Variants in TP63 observed in about 807,000 individuals in gnomAD.
TP63 encodes the protein tumor protein 63.
Under a neutral mutation model 82.8 loss-of-function variants are expected in TP63, and 17 were observed. That is an observed-to-expected ratio of 0.21 (90% CI 0.14 to 0.31). The LOEUF is 0.31. Ranked by LOEUF, TP63 falls within the 10% of genes least tolerant of loss-of-function variation. The pLI, the probability that TP63 is intolerant of heterozygous loss-of-function variation, is 1.00. For synonymous variants in TP63, 330 were observed against 321.7 expected, an observed-to-expected ratio of 1.03 and a Z score of -0.28; for missense variants, 648 against 895.3, an observed-to-expected ratio of 0.72 and a Z score of 3.52.
chr3:189,769,652 G>A (rs1471428617), intron 3 of TP63, among the ~76,000 whole-genome samples: 1 of 152,090 alleles, frequency 6.6e-6, no homozygotes, highest in Non-Finnish European at 1.5e-5. Flanking sequence ...ATACCATATA[G>A]GATGTATCAA....
chr3:189,739,344 G>A (rs1720815944), intron 3 of TP63, among the ~76,000 whole-genome samples: 1 of 152,112 alleles, frequency 6.6e-6, no homozygotes, highest in Non-Finnish European at 1.5e-5. Flanking sequence ...TCGAACTCTT[G>A]CCTTCCTGTG....
intron 4 of TP63, among the ~76,000 whole-genome samples, chr3:189,840,492 C>CAGAG (rs57868359): frequency 6.7e-6 from 1 of 148,520 alleles, no homozygotes; most frequent in African/African-American, 2.5e-5. Flanking sequence ...ATGAGAGAGA[C>CAGAG]AGAGAGAGAG....
In TP63 at chr3:189,800,490, GAAAAAA is replaced by G. The variant is rs1300826682; in HGVS notation, c.325-7778_325-7773del. Among the ~76,000 whole-genome samples, 5 of 135,064 alleles carry G rather than the reference GAAAAAA, an allele frequency of 3.7e-5. No individual in the cohort carries two copies. In the South Asian group the frequency reaches 9.8e-4, roughly 27 times the overall value. The allele number at this position is 135,064 out of a possible 152,430, so 88.6% of individuals were successfully genotyped here. ...CTTTAATGAGTAAAAAAAAAAAAAA[GAAAAAA>G]AAAGCAAATAAAAGAGGTGCGCTTT... On this transcript the variant is annotated intron_variant, in intron 3 of 13. Transcript: ENST00000264731.
rs552935126 is a variant in TP63 at position 189,713,138 on chromosome 3, A to G, written c.63-24602A>G. 7.2e-5 allele frequency among the ~76,000 whole-genome samples: 11 copies of G among 152,304 alleles called. No individual in the cohort carries two copies. In the South Asian group the frequency reaches 2.3e-3, roughly 32 times the overall value. ...TAGATTGAGATGCAAAAACCTCAAA[A>G]TAGGCTTTATGGCCACTTCATCTCC... On this transcript the variant is annotated intron_variant, in intron 1 of 13. Coordinates refer to ENST00000264731, the MANE Select transcript of TP63 (RefSeq NM_003722.5).
In TP63 at chr3:189,808,544, G is replaced by A. The variant is rs1476888127; in HGVS notation, c.579+18G>A. 2 of 1,612,218 alleles carry A rather than the reference G, an allele frequency of 1.2e-6. No individual in the cohort carries two copies. The highest frequency in any genetic ancestry group is 1.3e-5 in the African/African-American group (1 of 74,938). Reference sequence around the variant, plus strand: ...CCTGGACGGTAAGAGCAGCGGGCACGCACATACCTGACCCCCCAAGTCCAA... The same window carrying A: ...CCTGGACGGTAAGAGCAGCGGGCACACACATACCTGACCCCCCAAGTCCAA... On this transcript the variant is annotated intron_variant, in intron 4 of 13. Coordinates refer to ENST00000264731, the MANE Select transcript of TP63 (RefSeq NM_003722.5).
chr3:189,817,012 A>G (rs1193104908), intron 4 of TP63, among the ~76,000 whole-genome samples: 1 of 151,878 alleles, frequency 6.6e-6, no homozygotes, highest in African/African-American at 2.4e-5. Context: ...GGGGGAAAAA[A>G]AAAACCCTAC....
At chr3:189,876,586 A>G (rs757256951) in intron 10 of TP63, among the ~76,000 whole-genome samples, 8 of 152,168 alleles carry the variant, frequency 5.3e-5, no homozygotes, top group Non-Finnish European at 1.0e-4. Flanking sequence ...CAGCTGTGAT[A>G]ACTTGTGCAT....
intron 1 of TP63, among the ~76,000 whole-genome samples, chr3:189,673,667 T>C (rs1188133782): frequency 1.3e-5 from 2 of 152,104 alleles, no homozygotes; most frequent in Admixed American, 6.6e-5. Context: ...TACTGAAACA[T>C]TGATGAGATA....
chr3:189,737,666 G>A, intron 1 of TP63, 74 bp from the exon 2 acceptor site: 3 of 1,522,212 alleles, frequency 2.0e-6, no homozygotes, highest in Middle Eastern at 1.7e-4. Flanking sequence ...TCATGATAGA[G>A]TATGCTTTAA....
rs182303751 is a variant in TP63, at chr3:189,882,364, A to G, written c.1350-4030A>G. 3.0e-4 allele frequency among the ~76,000 whole-genome samples: 46 copies of G among 152,222 alleles called. 1 individual carries two copies. The highest frequency in any genetic ancestry group is 1.0e-3 in the African/African-American group (42 of 41,558). ...AGAGAATAAATGCTGCACTGTCTTT[A>G]GTAGCCAGATAACCCGGCTAGAGAG... On this transcript the variant is annotated intron_variant, in intron 10 of 13. Transcript: ENST00000264731.
At chr3:189,758,419 C>T (rs764817810) in intron 3 of TP63, among the ~76,000 whole-genome samples, 2 of 152,198 alleles carry the variant, frequency 1.3e-5, no homozygotes, top group Non-Finnish European at 2.9e-5. Context: ...ACACATTGCA[C>T]ATGCAGCCCC....
At position 189,704,897 on chromosome 3, in the gene TP63, T is replaced by A. The variant is rs1002553466; in HGVS notation, c.63-32843T>A. Among the ~76,000 whole-genome samples the A allele has an allele frequency of 3.9e-5, 6 of 152,338 alleles. No homozygotes were observed. The South Asian group carries it at 1.2e-3, about 32-fold the overall frequency. On this transcript the variant is annotated intron_variant, in intron 1 of 13. Coordinates refer to ENST00000264731, the MANE Select transcript of TP63 (RefSeq NM_003722.5). ...CATCCATGAAAATTTTCTAAATTCC[T>A]GTAAATCCAGCTAGCCAGCTAGAAT...
At chr3:189,737,072 C>T (rs960755986) in intron 1 of TP63, among the ~76,000 whole-genome samples, 1 of 152,124 alleles carries the variant, frequency 6.6e-6, no homozygotes, top group African/African-American at 2.4e-5. Context: ...AAATAGGATT[C>T]ATTTGCAAAG....
At chr3:189,622,737 G>A in the TP63 span, among the ~76,000 whole-genome samples, 9 of 152,230 alleles carry the variant, frequency 5.9e-5, no homozygotes, top group South Asian at 1.7e-3. Context: ...AGGCCACAGC[G>A]GCTGATGGTT....
chr3:189,636,608 G>A (rs1021893192), intron 1 of TP63, among the ~76,000 whole-genome samples: 14 of 151,958 alleles, frequency 9.2e-5, no homozygotes, highest in African/African-American at 2.7e-4. Context: ...GGCATATTTC[G>A]GGTCACAAAA....
chr3:189,635,493 C>T (rs1459137654), intron 1 of TP63, among the ~76,000 whole-genome samples: 2 of 152,064 alleles, frequency 1.3e-5, no homozygotes, highest in Non-Finnish European at 2.9e-5. Context: ...GTCTTTTCTT[C>T]TCTGGTTTCC....
chr3:189,864,237 C>G lies in TP63; in HGVS notation c.585C>G (p.Ser195=). The G allele has an allele frequency of 6.2e-7, 1 of 1,614,130 alleles. No individual in the cohort carries two copies. The highest frequency in any genetic ancestry group is 1.1e-5 in the South Asian group (1 of 91,086). Residue 195 remains serine (S), a synonymous_variant, in exon 5 of 14, where the codon TCC becomes TCG. Transcript: ENST00000264731. The part of the protein sequence containing the change: ...STAKSATWTY[S]TELKKLYCQI... ...CTGGCCCCAACTCTAAGCAGTATTC[C>G]ACTGAACTGAAGAAACTCTACTGCC...
chr3:189,730,516 G>A (rs2108783077), intron 1 of TP63, among the ~76,000 whole-genome samples: 1 of 152,298 alleles, frequency 6.6e-6, no homozygotes, highest in South Asian at 2.1e-4. Flanking sequence ...ATGTAATTTA[G>A]CAAAGCACGA....
At chr3:189,877,223 T>C (rs954960980) in intron 10 of TP63, among the ~76,000 whole-genome samples, 1 of 152,196 alleles carries the variant, frequency 6.6e-6, no homozygotes, top group African/African-American at 2.4e-5. Flanking sequence ...TTTGCTTACA[T>C]TGGAATAAAT....
Sources: gnomAD v4.1 joint callset for allele counts (sites outside exome capture counted in the v4.1 genomes callset) on GRCh38, gnomAD v4.1.1 for gene constraint, MANE v1.5 for transcripts, NCBI Gene and HGNC (gene_info 2026-07-23, HGNC 2026-07-21) for gene names.